Variants in RNMT observed in about 807,000 individuals in gnomAD.
RNMT encodes RNA guanine-7 methyltransferase, also known as mRNA cap guanine-N(7) methyltransferase.
In RNMT, 27 loss-of-function variants were observed where a neutral mutation model predicts 56.0. The ratio of observed to expected loss-of-function variants is 0.48; its 90% CI spans 0.36 to 0.67. RNMT has a LOEUF of 0.67. Ranked by LOEUF, RNMT falls within the 30% of genes least tolerant of loss-of-function variation. The pLI, the probability that RNMT is intolerant of heterozygous loss-of-function variation, is 0.00. For missense variants in RNMT, 519 were observed against 552.1 expected, an observed-to-expected ratio of 0.94 and a Z score of 0.60; for synonymous variants, 184 against 176.2, an observed-to-expected ratio of 1.04 and a Z score of -0.35.
chr18:13,753,642 G>A (rs942866650), intron 10 of RNMT, among the ~76,000 whole-genome samples: 1 of 151,156 alleles, frequency 6.6e-6, no homozygotes, highest in Non-Finnish European at 1.5e-5. Flanking sequence ...GTGGTGGCGG[G>A]CACCTGTAGT....
intron 5 of RNMT, among the ~76,000 whole-genome samples, chr18:13,737,790 A>T (rs1410534545): frequency 6.6e-6 from 1 of 152,076 alleles, no homozygotes; most frequent in Admixed American, 6.5e-5. Flanking sequence ...CTAAGAAACT[A>T]TTCTGAAACT....
At chr18:13,735,440 C>G (rs1268838671) in intron 4 of RNMT, among the ~76,000 whole-genome samples, 1 of 149,532 alleles carries the variant, frequency 6.7e-6, no homozygotes, top group Non-Finnish European at 1.5e-5. Context: ...CATTCATGTT[C>G]TGTTACAAAA....
chr18:13,763,260 G>GCTA lies in RNMT; in HGVS notation c.*3286_*3288dup, dbSNP rs2044641196. The GCTA allele has an allele frequency of 2.4e-6, 1 of 412,238 alleles. No individual in the cohort carries two copies. The highest frequency in any genetic ancestry group is 2.6e-5 in the Admixed American group (1 of 38,630). The allele number at this position is 412,238 out of a possible 1,614,324, so 25.5% of individuals were successfully genotyped here. A position where few individuals can be genotyped will look rare whatever the true frequency, so the allele number is the denominator to read the frequency against. On this transcript the variant is annotated 3_prime_UTR_variant, in exon 12 of 12. Coordinates refer to ENST00000383314, the MANE Select transcript of RNMT (RefSeq NM_003799.3). The stretch of plus-strand genomic sequence containing the variant: ...TTCTTTGAAGGCAACCAGTGCAAAG[G>GCTA]CTACTACACTTGTGTAATGATATTT...
In RNMT at chr18:13,762,262, C is replaced by T. The variant is rs1018497096; in HGVS notation, c.*2283C>T. On this transcript the variant is annotated 3_prime_UTR_variant, in exon 12 of 12. Transcript: ENST00000383314. ...GAACATGGCTGGATTGTGATTTAAC[C>T]AAGAATGCTGATGTTGAATTCTTTG... 7.9e-7 allele frequency: 1 copy of T among 1,268,106 alleles called. No individual in the cohort carries two copies. Among genetic ancestry groups the T allele is most frequent in the Non-Finnish European group, 1.1e-6 (1 of 939,864 alleles). 78.6% of individuals were successfully genotyped at this position (1,268,106 alleles called of 1,614,324 possible). A position where few individuals can be genotyped will look rare whatever the true frequency, so the allele number is the denominator to read the frequency against.
At chr18:13,728,204 T>A (rs2043996925) in intron 1 of RNMT, among the ~76,000 whole-genome samples, 1 of 152,096 alleles carries the variant, frequency 6.6e-6, no homozygotes, top group Non-Finnish European at 1.5e-5. Context: ...CATCATACTT[T>A]TCCCAGTATG....
intron 11 of RNMT, among the ~76,000 whole-genome samples, chr18:13,754,673 G>C (rs1325305272): frequency 6.6e-6 from 1 of 152,220 alleles, no homozygotes; most frequent in Non-Finnish European, 1.5e-5. Context: ...GCATAAACTT[G>C]AGTGAGCATG....
intron 11 of RNMT, among the ~76,000 whole-genome samples, chr18:13,754,662 A>G (rs2044513421): frequency 6.6e-6 from 1 of 152,242 alleles, no homozygotes. Flanking sequence ...GGTCTTCCTC[A>G]GCATAAACTT....
intron 9 of RNMT, among the ~76,000 whole-genome samples, chr18:13,751,917 A>G (rs932009411): frequency 5.3e-5 from 8 of 152,072 alleles, no homozygotes; most frequent in South Asian, 2.1e-4. Context: ...GAGTTGAGCA[A>G]TGAGAACACA....
chr18:13,762,931 A>G lies in RNMT; in HGVS notation c.*2952A>G. 1 of 369,528 alleles carries G rather than the reference A, an allele frequency of 2.7e-6. No individual in the cohort carries two copies. The allele number at this position is 369,528 out of a possible 1,614,324, so 22.9% of individuals were successfully genotyped here. On this transcript the variant is annotated 3_prime_UTR_variant, in exon 12 of 12. Transcript: ENST00000383314. ...AAATGCCAGTGTGAATATTCTAGCT[A>G]CCAAACATTGTTTTTTGTTGAAAAA...
At chr18:13,744,686 G>T (rs1039148434) in intron 8 of RNMT, among the ~76,000 whole-genome samples, 1 of 152,110 alleles carries the variant, frequency 6.6e-6, no homozygotes, top group Non-Finnish European at 1.5e-5. Flanking sequence ...CCTGCCTTAC[G>T]TATACCTCTT....
intron 11 of RNMT, among the ~76,000 whole-genome samples, chr18:13,756,424 G>T (rs951443869): frequency 4.6e-5 from 7 of 152,096 alleles, no homozygotes; most frequent in African/African-American, 7.2e-5. Context: ...ATGGGTGTGT[G>T]GGGGGTGGGA....
Position 13,761,068 on chromosome 18 carries a change from AATT to A in RNMT, c.*1094_*1096del, listed in dbSNP as rs2044613368. ...CAGAGCAATTGAGTATTCTTTTTTA[AATT>A]ATTAAGCCATGATTTACAAAAACAT... On this transcript the variant is annotated 3_prime_UTR_variant, in exon 12 of 12. Coordinates refer to ENST00000383314, the MANE Select transcript of RNMT (RefSeq NM_003799.3). 1.0e-6 allele frequency: 1 copy of A among 985,240 alleles called. No homozygotes were observed. Among genetic ancestry groups the A allele is most frequent in the Non-Finnish European group, 1.2e-6 (1 of 829,744 alleles). 61.0% of individuals were successfully genotyped at this position (985,240 alleles called of 1,614,324 possible).
In RNMT at chr18:13,762,761, G is replaced by A. The variant is rs780884929; in HGVS notation, c.*2782G>A. ...CAGCCATGAGATGGCCAGGTATCCA[G>A]TTTTGTTAACTCTCTTTGGGAATTT... On this transcript the variant is annotated 3_prime_UTR_variant, in exon 12 of 12. Transcript: ENST00000383314. 1.1e-4 allele frequency: 29 copies of A among 275,734 alleles called. No individual in the cohort carries two copies. The highest frequency in any genetic ancestry group is 1.0e-3 in the East Asian group (12 of 11,956). The allele number at this position is 275,734 out of a possible 1,614,324, so 17.1% of individuals were successfully genotyped here.
chr18:13,727,292 G>A (rs2043975723), intron 1 of RNMT, among the ~76,000 whole-genome samples: 1 of 152,214 alleles, frequency 6.6e-6, no homozygotes, highest in South Asian at 2.1e-4. Context: ...TGCTTCGGAG[G>A]TGTGACTGGA....
chr18:13,751,406 A>G (rs373489771), intron 9 of RNMT, among the ~76,000 whole-genome samples: 3 of 152,224 alleles, frequency 2.0e-5, no homozygotes, highest in Non-Finnish European at 4.4e-5. Context: ...GCAAATCAAA[A>G]CCACAATGAG....
rs774119029 is a variant in RNMT at position 13,734,478 on chromosome 18, A to G, written c.432A>G (p.Gly144=). 3.1e-6 allele frequency: 5 copies of G among 1,609,340 alleles called. No individual in the cohort carries two copies. Among genetic ancestry groups the G allele is most frequent in the Middle Eastern group, 1.7e-4 (1 of 6,036 alleles). Residue 144 remains glycine, a synonymous_variant, in exon 4 of 12, where the codon GGA becomes GGG. Transcript: ENST00000383314. ...VPEKQKNLEE[G]HSSTVAAHYN... ...TTTATTTTCAGAATCTGGAAGAAGGACACAGCTCAACAGTGGCTGCCCATT... is the reference window on the plus strand; with the variant it reads ...TTTATTTTCAGAATCTGGAAGAAGGGCACAGCTCAACAGTGGCTGCCCATT...
At chr18:13,745,197 C>T (rs747199391) in intron 8 of RNMT, among the ~76,000 whole-genome samples, 12 of 152,178 alleles carry the variant, frequency 7.9e-5, no homozygotes, top group Admixed American at 6.5e-4. Flanking sequence ...GTTCTGTATC[C>T]TAAGTGCACT....
At chr18:13,744,293 G>A (rs528808145) in intron 8 of RNMT, among the ~76,000 whole-genome samples, 4 of 151,204 alleles carry the variant, frequency 2.6e-5, no homozygotes, top group African/African-American at 9.7e-5. Context: ...CTGAAAATGT[G>A]TGGGGGTTTT....
rs565557527 is a variant in RNMT, at chr18:13,762,871, G to A, written c.*2892G>A. 5.7e-5 allele frequency: 18 copies of A among 313,646 alleles called. No individual in the cohort carries two copies. In the East Asian group the frequency reaches 1.1e-3, roughly 20 times the overall value. 19.4% of individuals were successfully genotyped at this position (313,646 alleles called of 1,614,324 possible). A position where few individuals can be genotyped will look rare whatever the true frequency, so the allele number is the denominator to read the frequency against. ...CTCTTCAAGTATCTTTGTAATGAAG[G>A]TTTGGCTACTTGTATAGGTCTGCCT... On this transcript the variant is annotated 3_prime_UTR_variant, in exon 12 of 12. Transcript: ENST00000383314.
Sources: gnomAD v4.1 joint callset for allele counts (sites outside exome capture counted in the v4.1 genomes callset) on GRCh38, gnomAD v4.1.1 for gene constraint, MANE v1.5 for transcripts, NCBI Gene and HGNC (gene_info 2026-07-23, HGNC 2026-07-21) for gene names.